SOX1: variants seen among roughly 807,000 people sequenced by gnomAD.
SOX1 encodes the protein transcription factor SOX-1.
SOX1 carries 1 observed loss-of-function variant against 0.9 expected under a neutral mutation model. The observed-to-expected ratio is 1.07, with a 90% CI of 0.38 to 5.06. The LOEUF (loss-of-function observed/expected upper bound fraction) is 5.06. Among genes scored for constraint, SOX1 ranks in the 30% most tolerant of loss-of-function variants. The probability of loss-of-function intolerance (pLI) is 0.16; values close to 1 mark genes in which losing one functional copy is unlikely to be tolerated. For missense variants in SOX1, 564 were observed against 534.4 expected, an observed-to-expected ratio of 1.06 and a Z score of -0.55; for synonymous variants, 397 against 265.5, an observed-to-expected ratio of 1.50 and a Z score of -4.81.
At position 112,071,090 on chromosome 13, in the gene SOX1, T is replaced by C. The variant is rs1875861270; in HGVS notation, c.*2256T>C. 6.6e-6 allele frequency among the ~76,000 whole-genome samples: 1 copy of C among 152,212 alleles called. No individual in the cohort carries two copies. Among genetic ancestry groups the C allele is most frequent in the Non-Finnish European group, 1.5e-5 (1 of 68,046 alleles). On this transcript the variant is annotated 3_prime_UTR_variant, in exon 1 of 1. Coordinates refer to ENST00000330949, the MANE Select transcript of SOX1 (RefSeq NM_005986.3). ...GGGTCCAATGGGACCTTGAGGGTTT[T>C]CTCTGAAATATACAAACTTAAAGGA... is the stretch of plus-strand genomic sequence containing the variant.
In SOX1 at chr13:112,068,315, G is replaced by A; in HGVS notation, c.657G>A (p.Ala219=). ...TGGCCTACGGGCAGCACCCGGGCGC[G>A]GGCGGCGCGCACCCGCACGCGCACC... The part of the protein sequence containing the change: ...AQLAYGQHPG[A]GGAHPHAHPA... Residue 219 remains alanine, a synonymous_variant, in exon 1 of 1, where the codon GCG becomes GCA. Coordinates refer to ENST00000330949, the MANE Select transcript of SOX1 (RefSeq NM_005986.3). The surrounding 1 kb of genome is among the most constrained non-coding windows in gnomAD (Gnocchi z 6.9). 2 of 1,077,266 alleles carry A rather than the reference G, an allele frequency of 1.9e-6. No individual in the cohort carries two copies. Among genetic ancestry groups the A allele is most frequent in the Non-Finnish European group, 1.1e-6 (1 of 888,774 alleles). The allele number at this position is 1,077,266 out of a possible 1,614,324, so 66.7% of individuals were successfully genotyped here. A position where few individuals can be genotyped will look rare whatever the true frequency, so the allele number is the denominator to read the frequency against.
Position 112,068,942 on chromosome 13 carries a change from C to T in SOX1, c.*108C>T. ...CGTGGCTTTTGTACAGACGTTCCCA[C>T]ATTCTTGTCAAAAGGAAAATACTGG... On this transcript the variant is annotated 3_prime_UTR_variant, in exon 1 of 1. Transcript: ENST00000330949. The surrounding 1 kb of genome is among the most constrained non-coding windows in gnomAD (Gnocchi z 6.9). 1 of 855,938 alleles carries T rather than the reference C, an allele frequency of 1.2e-6. No individual in the cohort carries two copies. The highest frequency in any genetic ancestry group is 1.5e-6 in the Non-Finnish European group (1 of 657,062). 53.0% of individuals were successfully genotyped at this position (855,938 alleles called of 1,614,324 possible).
In SOX1 at chr13:112,069,460, T is replaced by G. The variant is rs889291369; in HGVS notation, c.*626T>G. 2.4e-5 allele frequency: 4 copies of G among 166,826 alleles called. No homozygotes were observed. Among genetic ancestry groups the G allele is most frequent in the Non-Finnish European group, 5.9e-5 (4 of 68,074 alleles). The allele number at this position is 166,826 out of a possible 1,614,324, so 10.3% of individuals were successfully genotyped here. A position where few individuals can be genotyped will look rare whatever the true frequency, so the allele number is the denominator to read the frequency against. On this transcript the variant is annotated 3_prime_UTR_variant, in exon 1 of 1. Coordinates refer to ENST00000330949, the MANE Select transcript of SOX1 (RefSeq NM_005986.3). ...GAGCATTTCCATTTTTTTTTTTGGG[T>G]TTTGTATTATTTCTTGTAAATGCAT... is the stretch of plus-strand genomic sequence containing the variant.
At position 112,067,155 on chromosome 13, in the gene SOX1, T is replaced by G. The variant is rs1016993822; in HGVS notation, c.-504T>G. Among the ~76,000 whole-genome samples, 1 of 135,162 alleles carries G rather than the reference T, an allele frequency of 7.4e-6. No individual in the cohort carries two copies. The highest frequency in any genetic ancestry group is 7.6e-5 in the Admixed American group (1 of 13,230). 88.7% of individuals were successfully genotyped at this position (135,162 alleles called of 152,430 possible). A position where few individuals can be genotyped will look rare whatever the true frequency, so the allele number is the denominator to read the frequency against. On this transcript the variant is annotated 5_prime_UTR_variant, in exon 1 of 1. An upstream start codon of the reference 5' UTR is lost. Transcript: ENST00000330949. The surrounding 1 kb of genome is among the most constrained non-coding windows in gnomAD (Gnocchi z 5.1). Reference sequence around the variant, plus strand: ...CCCCCGGGCACCTGGGACCAGCACATGCCCAGCGCACGCGGCGCGCCGCCC... The same window carrying G: ...CCCCCGGGCACCTGGGACCAGCACAGGCCCAGCGCACGCGGCGCGCCGCCC...
Position 112,067,946 on chromosome 13 carries a change from G to T in SOX1, c.288G>T (p.Glu96Asp), listed in dbSNP as rs373278017. 34 of 1,607,302 alleles carry T rather than the reference G, an allele frequency of 2.1e-5. No individual in the cohort carries two copies. The highest frequency in any genetic ancestry group is 2.9e-5 in the Non-Finnish European group (34 of 1,176,622). Residue 96 changes from glutamate (E) to aspartate (D), a missense_variant, in exon 1 of 1, where the codon GAG (glutamate) becomes GAT (aspartate). Transcript: ENST00000330949. The surrounding 1 kb of genome is among the most constrained non-coding windows in gnomAD (Gnocchi z 5.1). ...AGTGGAAGGTCATGTCCGAGGCCGA[G>T]AAGCGGCCGTTCATCGACGAGGCCA... is the stretch of plus-strand genomic sequence containing the variant. ...GAEWKVMSEA[E>D]KRPFIDEAKR...
chr13:112,067,465 G>A lies in SOX1; in HGVS notation c.-194G>A, dbSNP rs1481677767. ...AGGAGAAACTTTCCACCTGCGAGCC[G>A]AACCGGCGCCGAGTGCGTGTGTTTC... On this transcript the variant is annotated 5_prime_UTR_variant, in exon 1 of 1. Transcript: ENST00000330949. The surrounding 1 kb of genome is among the most constrained non-coding windows in gnomAD (Gnocchi z 5.1). Among the ~76,000 whole-genome samples, 1 of 152,160 alleles carries A rather than the reference G, an allele frequency of 6.6e-6. No individual in the cohort carries two copies. Among genetic ancestry groups the A allele is most frequent in the Admixed American group, 6.5e-5 (1 of 15,292 alleles).
In SOX1 at chr13:112,070,089, A is replaced by G. The variant is rs1880847794; in HGVS notation, c.*1255A>G. The G allele has an allele frequency of 6.0e-6, 1 of 167,072 alleles. No individual in the cohort carries two copies. The highest frequency in any genetic ancestry group is 1.5e-5 in the Non-Finnish European group (1 of 68,132). 10.3% of individuals were successfully genotyped at this position (167,072 alleles called of 1,614,324 possible). On this transcript the variant is annotated 3_prime_UTR_variant, in exon 1 of 1. Coordinates refer to ENST00000330949, the MANE Select transcript of SOX1 (RefSeq NM_005986.3). ...CAATTCCCCAGCAATTAAGATTTCG[A>G]GCAGAATTTATCTAAATGTGTTTCA...
rs750745411 is a variant in SOX1, at chr13:112,067,766, G to GGGCGGC, written c.120_125dup (p.Gly42_Gly43dup). On this transcript the variant is annotated inframe_insertion, in exon 1 of 1. Coordinates refer to ENST00000330949, the MANE Select transcript of SOX1 (RefSeq NM_005986.3). The surrounding 1 kb of genome is among the most constrained non-coding windows in gnomAD (Gnocchi z 5.1). Reference sequence around the variant, plus strand: ...CGGGCGGCGGCGGGGGCGGAGGCGGGGGCGGCGGCGGCGGCGGGGGCGCCA... The same window carrying GGGCGGC: ...CGGGCGGCGGCGGGGGCGGAGGCGGGGGCGGCGGCGGCGGCGGCGGCGGGGGCGCCA... The GGGCGGC allele has an allele frequency of 1.1e-4, 137 of 1,273,626 alleles. No individual in the cohort carries two copies. Among genetic ancestry groups the GGGCGGC allele is most frequent in the Non-Finnish European group, 1.2e-4 (123 of 1,002,804 alleles). The allele number at this position is 1,273,626 out of a possible 1,614,324, so 78.9% of individuals were successfully genotyped here.
chr13:112,068,418 C>A lies in SOX1; in HGVS notation c.760C>A (p.Leu254Met). ...QPMHRYDMGA[L>M]QYSPISNSQG... ...CATGCACCGCTACGACATGGGCGCG[C>A]TGCAGTACAGCCCCATCTCCAACTC... is the stretch of plus-strand genomic sequence containing the variant. The change falls in exon 1 of 1, where the codon CTG (leucine) becomes ATG (methionine). Residue 254 changes from leucine (L) to methionine (M), a missense_variant. Transcript: ENST00000330949. The surrounding 1 kb of genome is among the most constrained non-coding windows in gnomAD (Gnocchi z 6.9). 2 of 1,297,574 alleles carry A rather than the reference C, an allele frequency of 1.5e-6. No homozygotes were observed. The highest frequency in any genetic ancestry group is 2.0e-6 in the Non-Finnish European group (2 of 1,003,326). The allele number at this position is 1,297,574 out of a possible 1,614,324, so 80.4% of individuals were successfully genotyped here. A position where few individuals can be genotyped will look rare whatever the true frequency, so the allele number is the denominator to read the frequency against.
Position 112,068,078 on chromosome 13 carries a change from G to T in SOX1, c.420G>T (p.Gly140=). 2 of 1,560,666 alleles carry T rather than the reference G, an allele frequency of 1.3e-6. No individual in the cohort carries two copies. Among genetic ancestry groups the T allele is most frequent in the South Asian group, 2.3e-5 (2 of 86,902 alleles). The change falls in exon 1 of 1, where the codon GGG becomes GGT. Residue 140 remains glycine, a synonymous_variant. Coordinates refer to ENST00000330949, the MANE Select transcript of SOX1 (RefSeq NM_005986.3). This position sits in a 1 kb window ranked among gnomAD's most constrained non-coding sequence, Gnocchi z 6.9. ...AGGACAAGTACTCGCTGGCCGGCGG[G>T]CTCCTGGCGGCCGGCGCGGGTGGCG... ...LKKDKYSLAG[G]LLAAGAGGGG... is the part of the protein sequence containing the mutation.
Position 112,068,789 on chromosome 13 carries a change from C to CGCGGGG in SOX1, c.1136_1137insGGCGGG (p.Ala380_Gly381dup), listed in dbSNP as rs1012164322. 3.3e-6 allele frequency: 4 copies of CGCGGGG among 1,225,060 alleles called. No homozygotes were observed. The African/African-American group carries it at 6.4e-5, about 20-fold the overall frequency. 75.9% of individuals were successfully genotyped at this position (1,225,060 alleles called of 1,614,324 possible). A position where few individuals can be genotyped will look rare whatever the true frequency, so the allele number is the denominator to read the frequency against. On this transcript the variant is annotated inframe_insertion, in exon 1 of 1. Transcript: ENST00000330949. The surrounding 1 kb of genome is among the most constrained non-coding windows in gnomAD (Gnocchi z 6.9). Reference sequence around the variant, plus strand: ...ACTCGCTGCCGCAGCACTACCAGGGCGCGGGCGCGGGCGTGAACGGCACGG... The same window carrying CGCGGGG: ...ACTCGCTGCCGCAGCACTACCAGGGCGCGGGGGCGGGCGCGGGCGTGAACGGCACGG...
Position 112,070,024 on chromosome 13 carries a change from A to G in SOX1, c.*1190A>G, listed in dbSNP as rs1240955370. The G allele has an allele frequency of 1.8e-5, 3 of 167,098 alleles. No homozygotes were observed. The highest frequency in any genetic ancestry group is 7.2e-5 in the African/African-American group (3 of 41,452). The allele number at this position is 167,098 out of a possible 1,614,324, so 10.4% of individuals were successfully genotyped here. A position where few individuals can be genotyped will look rare whatever the true frequency, so the allele number is the denominator to read the frequency against. ...CAGTGGTGGGACCCTGGACCAGGCC[A>G]TGGATGAAGGACAAAGACCAGGGCA... On this transcript the variant is annotated 3_prime_UTR_variant, in exon 1 of 1. Transcript: ENST00000330949.
Position 112,068,579 on chromosome 13 carries a change from G to T in SOX1, c.921G>T (p.Ser307=). ...CGGCGGCGGCGGCGGCGGCCGCGTCGTCGGGCGCCCTGGGCGCGCTGGGCT... is the reference window on the plus strand; with the variant it reads ...CGGCGGCGGCGGCGGCGGCCGCGTCTTCGGGCGCCCTGGGCGCGCTGGGCT... ...VAAAAAAAAA[S]SGALGALGSL... Residue 307 remains serine (S), a synonymous_variant, in exon 1 of 1, where the codon TCG becomes TCT. Transcript: ENST00000330949. This position sits in a 1 kb window ranked among gnomAD's most constrained non-coding sequence, Gnocchi z 6.9. 9.2e-7 allele frequency: 1 copy of T among 1,083,030 alleles called. No individual in the cohort carries two copies. The highest frequency in any genetic ancestry group is 1.1e-6 in the Non-Finnish European group (1 of 895,484). 67.1% of individuals were successfully genotyped at this position (1,083,030 alleles called of 1,614,324 possible).
In SOX1 at chr13:112,068,328, C is replaced by G; in HGVS notation, c.670C>G (p.Pro224Ala). The G allele has an allele frequency of 2.6e-6, 3 of 1,141,144 alleles. No homozygotes were observed. In the South Asian group the frequency reaches 7.0e-5, roughly 27 times the overall value. The allele number at this position is 1,141,144 out of a possible 1,614,324, so 70.7% of individuals were successfully genotyped here. A position where few individuals can be genotyped will look rare whatever the true frequency, so the allele number is the denominator to read the frequency against. Reference sequence around the variant, plus strand: ...GCACCCGGGCGCGGGCGGCGCGCACCCGCACGCGCACCCCGCGCACCCGCA... The same window carrying G: ...GCACCCGGGCGCGGGCGGCGCGCACGCGCACGCGCACCCCGCGCACCCGCA... ...GQHPGAGGAH[P>A]HAHPAHPHPH... The change falls in exon 1 of 1, where the codon CCG becomes GCG. Residue 224 changes from proline to alanine, a missense_variant. Coordinates refer to ENST00000330949, the MANE Select transcript of SOX1 (RefSeq NM_005986.3). This position sits in a 1 kb window ranked among gnomAD's most constrained non-coding sequence, Gnocchi z 6.9.
In SOX1 at chr13:112,068,257, C is replaced by T. The variant is rs1368915839; in HGVS notation, c.599C>T (p.Ala200Val). The change falls in exon 1 of 1, where the codon GCG (alanine) becomes GTG (valine). Residue 200 changes from alanine to valine, a missense_variant. Transcript: ENST00000330949. This position sits in a 1 kb window ranked among gnomAD's most constrained non-coding sequence, Gnocchi z 6.9. ...GAYPGSVAAA[A>V]AAAAMMQEAQ... is the part of the protein sequence containing the mutation. ...TACCCCGGCTCGGTGGCGGCGGCGG[C>T]GGCGGCCGCGGCCATGATGCAGGAG... The T allele has an allele frequency of 2.6e-6, 2 of 761,268 alleles. No homozygotes were observed. The highest frequency in any genetic ancestry group is 3.2e-6 in the Non-Finnish European group (2 of 620,678). 47.2% of individuals were successfully genotyped at this position (761,268 alleles called of 1,614,324 possible).
Position 112,068,498 on chromosome 13 carries a change from C to T in SOX1, c.840C>T (p.Ala280=). The change falls in exon 1 of 1, where the codon GCC becomes GCT. Residue 280 remains alanine, a synonymous_variant. Coordinates refer to ENST00000330949, the MANE Select transcript of SOX1 (RefSeq NM_005986.3). The surrounding 1 kb of genome is among the most constrained non-coding windows in gnomAD (Gnocchi z 6.9). The part of the protein sequence containing the change: ...PSGYGGLPYG[A]AAAAAAAAGG... ...GCTACGGCGGCCTCCCCTACGGCGC[C>T]GCGGCCGCCGCCGCCGCCGCTGCGG... 1 of 1,044,578 alleles carries T rather than the reference C, an allele frequency of 9.6e-7. No homozygotes were observed. Among genetic ancestry groups the T allele is most frequent in the Non-Finnish European group, 1.1e-6 (1 of 873,154 alleles). The allele number at this position is 1,044,578 out of a possible 1,614,324, so 64.7% of individuals were successfully genotyped here. A position where few individuals can be genotyped will look rare whatever the true frequency, so the allele number is the denominator to read the frequency against.
At position 112,069,968 on chromosome 13, in the gene SOX1, G is replaced by C. The variant is rs557570863; in HGVS notation, c.*1134G>C. ...GGCTGGGGGTCTGCGCCACAGTTTG[G>C]TCCAGAGGAGGGAGGAGGAAGGGAA... is the stretch of plus-strand genomic sequence containing the variant. On this transcript the variant is annotated 3_prime_UTR_variant, in exon 1 of 1. Transcript: ENST00000330949. 1 of 167,310 alleles carries C rather than the reference G, an allele frequency of 6.0e-6. No homozygotes were observed. The highest frequency in any genetic ancestry group is 2.4e-5 in the African/African-American group (1 of 41,574). 10.4% of individuals were successfully genotyped at this position (167,310 alleles called of 1,614,324 possible). A position where few individuals can be genotyped will look rare whatever the true frequency, so the allele number is the denominator to read the frequency against.
Position 112,068,501 on chromosome 13 carries a change from G to C in SOX1, c.843G>C (p.Ala281=), listed in dbSNP as rs1262717993. Residue 281 remains alanine (A), a synonymous_variant, in exon 1 of 1, where the codon GCG becomes GCC. Transcript: ENST00000330949. This position sits in a 1 kb window ranked among gnomAD's most constrained non-coding sequence, Gnocchi z 6.9. ...ACGGCGGCCTCCCCTACGGCGCCGC[G>C]GCCGCCGCCGCCGCCGCTGCGGGCG... is the stretch of plus-strand genomic sequence containing the variant. ...SGYGGLPYGA[A]AAAAAAAGGA... is the part of the protein sequence containing the mutation. 11 of 1,010,396 alleles carry C rather than the reference G, an allele frequency of 1.1e-5. No homozygotes were observed. The African/African-American group carries it at 1.1e-4, about 10-fold the overall frequency. The allele number at this position is 1,010,396 out of a possible 1,614,324, so 62.6% of individuals were successfully genotyped here.
In SOX1 at chr13:112,071,305, CTTTTACAGTT is replaced by C. The variant is rs1157037285; in HGVS notation, c.*2473_*2482del. On this transcript the variant is annotated 3_prime_UTR_variant, in exon 1 of 1. Coordinates refer to ENST00000330949, the MANE Select transcript of SOX1 (RefSeq NM_005986.3). ...TGCGCCCGGGACGCCAGGCAAGCAG[CTTTTACAGTT>C]TGGCATCTTATTGCAGGTGCTTCGT... 6.6e-6 allele frequency among the ~76,000 whole-genome samples: 1 copy of C among 152,238 alleles called. No individual in the cohort carries two copies. The highest frequency in any genetic ancestry group is 6.5e-5 in the Admixed American group (1 of 15,284).
Sources: gnomAD v4.1 joint callset for allele counts (sites outside exome capture counted in the v4.1 genomes callset) on GRCh38, gnomAD v4.1.1 for gene constraint, Gnocchi (gnomAD v3.1) non-coding constraint, MANE v1.5 for transcripts, NCBI Gene and HGNC (gene_info 2026-07-23, HGNC 2026-07-21) for gene names.